Variants in PAQR3 observed in about 807,000 individuals in gnomAD.
PAQR3 encodes the protein Raf kinase trapping to Golgi.
PAQR3 carries 39 observed loss-of-function variants against 41.7 expected under a neutral mutation model. The ratio of observed to expected loss-of-function variants is 0.93; its 90% CI spans 0.72 to 1.22. The LOEUF (loss-of-function observed/expected upper bound fraction) is 1.22, where lower values mean the gene tolerates loss of function less well. Among genes scored for constraint, PAQR3 ranks in the 50% most tolerant of loss-of-function variants. The pLI is 0.00. For synonymous variants in PAQR3, 140 were observed against 140.6 expected, an observed-to-expected ratio of 1.00 and a Z score of 0.03; for missense variants, 366 against 385.6, an observed-to-expected ratio of 0.95 and a Z score of 0.42.
Position 78,917,913 on chromosome 4 carries a change from C to T in PAQR3, c.*2626G>A. On this transcript the variant is annotated 3_prime_UTR_variant, in exon 6 of 6. Transcript: ENST00000512733. ...ATGATTTTAAAGCTGTTATGTATTACAAAGAATGACAAGCAGCAGTTAAAA... is the reference window on the plus strand; with the variant it reads ...ATGATTTTAAAGCTGTTATGTATTATAAAGAATGACAAGCAGCAGTTAAAA... 1 of 983,844 alleles carries T rather than the reference C, an allele frequency of 1.0e-6. No individual in the cohort carries two copies. Among genetic ancestry groups the T allele is most frequent in the South Asian group, 4.7e-5 (1 of 21,238 alleles). 60.9% of individuals were successfully genotyped at this position (983,844 alleles called of 1,614,324 possible). A position where few individuals can be genotyped will look rare whatever the true frequency, so the allele number is the denominator to read the frequency against.
rs1734757323 is a variant in PAQR3 at position 78,913,184 on chromosome 4, C to G, written c.*7355G>C. 6.6e-6 allele frequency: 1 copy of G among 152,096 alleles called. No individual in the cohort carries two copies. The highest frequency in any genetic ancestry group is 1.5e-5 in the Non-Finnish European group (1 of 68,000). 9.4% of individuals were successfully genotyped at this position (152,096 alleles called of 1,614,324 possible). A position where few individuals can be genotyped will look rare whatever the true frequency, so the allele number is the denominator to read the frequency against. On this transcript the variant is annotated 3_prime_UTR_variant, in exon 6 of 6. Transcript: ENST00000512733. ...AAAGTGCACAGAATGGTGACACCCACAAAGCCTTATATAAAGGCAGGATTC... is the reference window on the plus strand; with the variant it reads ...AAAGTGCACAGAATGGTGACACCCAGAAAGCCTTATATAAAGGCAGGATTC...
chr4:78,926,787 C>T, intron 3 of PAQR3, 69 bp from the exon 4 acceptor site: 2 of 1,391,400 alleles, frequency 1.4e-6, no homozygotes, highest in South Asian at 2.4e-5. Flanking sequence ...GTAATTTTGG[C>T]TTTTACACTA....
At chr4:78,930,676 C>G (rs941279743) in intron 2 of PAQR3, 1 of 158,140 alleles carries the variant, frequency 6.3e-6, no homozygotes, top group Non-Finnish European at 1.4e-5. Flanking sequence ...TTGTTTTGAT[C>G]CATGAATTAA....
chr4:78,888,006 T>TA (rs1560546882), intron 12 of PAQR3: 1 of 152,242 alleles, frequency 6.6e-6, no homozygotes, highest in East Asian at 1.9e-4. Flanking sequence ...TCAGGCAAGT[T>TA]ACATATGTAA....
intron 11 of PAQR3, among the ~76,000 whole-genome samples, chr4:78,889,625 C>T (rs1733317635): frequency 6.6e-6 from 1 of 152,056 alleles, no homozygotes; most frequent in African/African-American, 2.4e-5. Context: ...AAAAGTTGGA[C>T]AAAGGAGTTC....
chr4:78,930,291 A>G lies in PAQR3; in HGVS notation c.383T>C (p.Phe128Ser). 3.1e-6 allele frequency: 5 copies of G among 1,613,820 alleles called. No individual in the cohort carries two copies. The highest frequency in any genetic ancestry group is 4.2e-6 in the Non-Finnish European group (5 of 1,179,898). Reference protein sequence around the residue: ...CMLCSVGYHLFSCHRSEKTCR... With the variant: ...CMLCSVGYHLSSCHRSEKTCR... ...TGTTTTTTCTGACCGATGGCAGGAA[A>G]AAAGATGATAGCCCACAGAGCAAAG... Residue 128 changes from phenylalanine to serine, a missense_variant, in exon 3 of 6, where the codon TTT (phenylalanine) becomes TCT (serine). Transcript: ENST00000512733.
intron 11 of PAQR3, among the ~76,000 whole-genome samples, chr4:78,902,645 G>A (rs1734069729): frequency 6.6e-6 from 1 of 152,068 alleles, no homozygotes; most frequent in African/African-American, 2.4e-5. Flanking sequence ...AATCTGATAG[G>A]TAAGAAAAGA....
chr4:78,905,384 A>G (rs1304954543), intron 11 of PAQR3, among the ~76,000 whole-genome samples: 1 of 151,926 alleles, frequency 6.6e-6, no homozygotes, highest in Non-Finnish European at 1.5e-5. Context: ...ATTCTACCAT[A>G]TTTAGTTAAA....
intron 4 of PAQR3, among the ~76,000 whole-genome samples, chr4:78,925,851 A>G (rs1278224247): frequency 1.3e-5 from 2 of 152,194 alleles, no homozygotes; most frequent in Non-Finnish European, 2.9e-5. Flanking sequence ...CCTTTTCTCA[A>G]GAATCCTGAG....
exon 13 of PAQR3, chr4:78,887,154 G>T (rs368489335): frequency 1.1e-5 from 16 of 1,434,872 alleles, no homozygotes; most frequent in South Asian, 3.8e-5. Flanking sequence ...TTTTTATTTC[G>T]TTTCATCTTA....
rs1223227548 is a variant in PAQR3, at chr4:78,912,991, T to C, written c.*7548A>G. 6.6e-6 allele frequency: 1 copy of C among 152,114 alleles called. No individual in the cohort carries two copies. The highest frequency in any genetic ancestry group is 1.5e-5 in the Non-Finnish European group (1 of 68,022). The allele number at this position is 152,114 out of a possible 1,614,324, so 9.4% of individuals were successfully genotyped here. ...TGGAGGACAAGGGTTGTATAAAAAT[T>C]TTATTTTATGAAGAAAATATGTAGC... On this transcript the variant is annotated 3_prime_UTR_variant, in exon 6 of 6. Coordinates refer to ENST00000512733, the MANE Select transcript of PAQR3 (RefSeq NM_001040202.2).
At chr4:78,892,411 G>A (rs1733486959) in intron 11 of PAQR3, among the ~76,000 whole-genome samples, 1 of 152,060 alleles carries the variant, frequency 6.6e-6, no homozygotes, top group Non-Finnish European at 1.5e-5. Context: ...TTGAAAATGT[G>A]GAGGATCTAT....
intron 2 of PAQR3, 168 bp from the exon 3 acceptor site, chr4:78,930,493 G>A: frequency 4.3e-6 from 2 of 462,962 alleles, no homozygotes; most frequent in Non-Finnish European, 7.2e-6. Context: ...TCTACATGTA[G>A]AGCCATGTAG....
Position 78,896,318 on chromosome 4 carries a change from A to G in PAQR3, c.*837-8170T>C, listed in dbSNP as rs917045810. Among the ~76,000 whole-genome samples, 3 of 152,346 alleles carry G rather than the reference A, an allele frequency of 2.0e-5. No individual in the cohort carries two copies. The East Asian group carries it at 5.8e-4, about 29-fold the overall frequency. ...CTCAAAGCATGTGTATTGAAAAAGTAGGGATCAGAAATAACATTTAATTGT... is the reference window on the plus strand; with the variant it reads ...CTCAAAGCATGTGTATTGAAAAAGTGGGGATCAGAAATAACATTTAATTGT... On this transcript the variant is annotated intron_variant and NMD_transcript_variant, in intron 11 of 12. Coordinates refer to the PAQR3 transcript ENST00000342820.
chr4:78,893,114 A>G (rs1294085265), intron 11 of PAQR3, among the ~76,000 whole-genome samples: 1 of 152,222 alleles, frequency 6.6e-6, no homozygotes, highest in Non-Finnish European at 1.5e-5. Flanking sequence ...AAACCATACC[A>G]TTGCTTTATG....
chr4:78,932,956 G>A (rs1031761798), intron 2 of PAQR3: 4 of 336,372 alleles, frequency 1.2e-5, no homozygotes, highest in African/African-American at 8.6e-5. Flanking sequence ...TAATTACAGT[G>A]TTACATTCAC....
downstream of PAQR3, among the ~76,000 whole-genome samples, chr4:78,909,230 G>T (rs1344479311): frequency 6.6e-6 from 1 of 151,770 alleles, no homozygotes; most frequent in Non-Finnish European, 1.5e-5. Flanking sequence ...TAGAGATGGG[G>T]TTTCACCATG....
intron 4 of PAQR3, among the ~76,000 whole-genome samples, chr4:78,924,525 G>A (rs1417737454): frequency 6.6e-6 from 1 of 152,098 alleles, no homozygotes; most frequent in African/African-American, 2.4e-5. Context: ...CTTGGTGCAT[G>A]GCTCATGCCT....
At chr4:78,899,137 T>C (rs560119805) in intron 11 of PAQR3, 1 of 152,326 alleles carries the variant, frequency 6.6e-6, no homozygotes, top group South Asian at 2.1e-4. Context: ...CTGGGCAACA[T>C]AGTGAGACCC....
Sources: allele counts gnomAD v4.1 joint callset (sites outside exome capture counted in the v4.1 genomes callset), GRCh38; gene constraint gnomAD v4.1.1; transcripts MANE v1.5; gene names NCBI Gene and HGNC (gene_info 2026-07-23, HGNC 2026-07-21).